AGO2: variants seen among roughly 807,000 people sequenced by gnomAD.
AGO2 encodes the protein argonaute RISC catalytic component 2.
Under a neutral mutation model 102.3 loss-of-function variants are expected in AGO2, and 5 were observed. The ratio of observed to expected loss-of-function variants is 0.05; its 90% CI spans 0.03 to 0.10. AGO2 has a LOEUF of 0.10. Among genes scored for constraint, AGO2 ranks in the 10% least tolerant of loss-of-function variants. The probability of loss-of-function intolerance (pLI) is 1.00; values close to 1 mark genes in which losing one functional copy is unlikely to be tolerated. For missense variants in AGO2, 541 were observed against 1,183.7 expected (o/e 0.46, Z 7.97); for synonymous variants, 449 against 473.1 (o/e 0.95, Z 0.66).
intron 3 of AGO2, among the ~76,000 whole-genome samples, chr8:140,570,432 G>A (rs532982726): frequency 1.3e-5 from 2 of 152,100 alleles, no homozygotes; most frequent in African/African-American, 4.8e-5. Context: ...ATTTAGTCAT[G>A]TTGGCCAGGC....
upstream of AGO2, chr8:140,637,396 G>T: frequency 6.6e-6 from 1 of 152,358 alleles, no homozygotes. Flanking sequence ...AGGCCCAGAA[G>T]GCTCTGTCAT....
At chr8:140,541,489 A>ATG in intron 14 of AGO2, 131 bp from the exon 15 acceptor site, 3 of 858,870 alleles carry the variant, frequency 3.5e-6, no homozygotes, top group Non-Finnish European at 5.2e-6. Flanking sequence ...GTCAAGTGAC[A>ATG]ATGGCTGGCT....
chr8:140,627,784 C>G (rs747659376), intron 1 of AGO2, among the ~76,000 whole-genome samples: 1 of 152,182 alleles, frequency 6.6e-6, no homozygotes, highest in Non-Finnish European at 1.5e-5. Flanking sequence ...GAACCACAGG[C>G]GGCACCCCAC....
intron 17 of AGO2, among the ~76,000 whole-genome samples, chr8:140,533,975 G>A (rs958329266): frequency 2.0e-5 from 3 of 152,140 alleles, no homozygotes; most frequent in Non-Finnish European, 2.9e-5. Flanking sequence ...CTGCCTGCCC[G>A]CCTCACTGCC....
At chr8:140,635,377 G>A (rs1251745411) in intron 1 of AGO2, 108 bp downstream of exon 1, 2 of 441,262 alleles carry the variant, frequency 4.5e-6, no homozygotes, top group African/African-American at 4.4e-5. Context: ...CCGCCGCCCC[G>A]ACCCCGCGGC....
At chr8:140,546,905 T>A (rs541097896) in intron 13 of AGO2, among the ~76,000 whole-genome samples, 1 of 152,170 alleles carries the variant, frequency 6.6e-6, no homozygotes, top group African/African-American at 2.4e-5. Context: ...AGTCAGGAGG[T>A]GCCAGAGGAG....
At chr8:140,585,359 T>C (rs1028689230) in intron 1 of AGO2, 48 bp from the exon 2 acceptor site, 13 of 1,585,444 alleles carry the variant, frequency 8.2e-6, no homozygotes, top group Non-Finnish European at 1.1e-5. Context: ...AGGCTTGCTC[T>C]GCGGCCCTTC....
upstream of AGO2, chr8:140,636,203 G>A: frequency 6.6e-6 from 1 of 152,268 alleles, no homozygotes; most frequent in Non-Finnish European, 1.5e-5. Flanking sequence ...CCGGCCGCTC[G>A]CGCAGGACCA....
chr8:140,601,699 C>T (rs146838401), intron 1 of AGO2, among the ~76,000 whole-genome samples: 1 of 152,388 alleles, frequency 6.6e-6, no homozygotes, highest in Non-Finnish European at 1.5e-5. Flanking sequence ...TGAACACATC[C>T]TCCTATCTAC....
intron 13 of AGO2, 25 bp from the exon 14 acceptor site, chr8:140,544,328 G>A (rs745879741): frequency 3.2e-6 from 5 of 1,585,710 alleles, no homozygotes; most frequent in Non-Finnish European, 4.3e-6. Flanking sequence ...GGCGTCAGGG[G>A]CCACGGTGAG....
intron 1 of AGO2, among the ~76,000 whole-genome samples, chr8:140,601,794 AT>A (rs1313236727): frequency 6.6e-6 from 1 of 152,262 alleles, no homozygotes; most frequent in East Asian, 1.9e-4. Context: ...ATTTTAGAAT[AT>A]TTTTTATTGC....
At chr8:140,578,386 C>A (rs1336422462) in intron 2 of AGO2, among the ~76,000 whole-genome samples, 1 of 152,212 alleles carries the variant, frequency 6.6e-6, no homozygotes. Context: ...ACCATCACCA[C>A]CCTCTGTCCA....
chr8:140,533,389 CAAAAAA>C (rs371478800), intron 17 of AGO2, among the ~76,000 whole-genome samples: 2 of 96,236 alleles, frequency 2.1e-5, no homozygotes. Context: ...ACTCCGTCTC[CAAAAAA>C]AAAAAAAAAA....
intron 1 of AGO2, among the ~76,000 whole-genome samples, chr8:140,623,417 T>C (rs2074238339): frequency 6.6e-6 from 1 of 152,106 alleles, no homozygotes; most frequent in Non-Finnish European, 1.5e-5. Flanking sequence ...CATCTTACAA[T>C]GGTTCATCCG....
In AGO2 at chr8:140,539,419, G is replaced by A; in HGVS notation, c.2070C>T (p.Ala690=). 1 of 1,614,052 alleles carries A rather than the reference G, an allele frequency of 6.2e-7. No individual in the cohort carries two copies. The highest frequency in any genetic ancestry group is 8.5e-7 in the Non-Finnish European group (1 of 1,179,964). The change falls in exon 16 of 19, where the codon GCC becomes GCT. Residue 690 remains alanine, a synonymous_variant. Transcript: ENST00000220592. This position sits in a 1 kb window ranked among gnomAD's most constrained non-coding sequence, Gnocchi z 4.7. ...LHHELLAIRE[A]CIKLEKDYQP... is the part of the protein sequence containing the mutation. The stretch of plus-strand genomic sequence containing the variant: ...GGTAGTCTTTTTCTAGCTTGATACA[G>A]GCCTCACGGATGGCCAGCAACTCGT...
rs541459896 is a variant in AGO2 at position 140,558,375 on chromosome 8, T to C, written c.878+110A>G. On this transcript the variant is annotated intron_variant, in intron 7 of 18. Transcript: ENST00000220592. ...ACAATTTTGGGATTGAAAAACAGCATGAAATGGTCCTTTCTGGAGAATGGG... is the reference window on the plus strand; with the variant it reads ...ACAATTTTGGGATTGAAAAACAGCACGAAATGGTCCTTTCTGGAGAATGGG... 26 of 1,209,066 alleles carry C rather than the reference T, an allele frequency of 2.2e-5. No homozygotes were observed. The African/African-American group carries it at 3.3e-4, about 15-fold the overall frequency. The allele number at this position is 1,209,066 out of a possible 1,614,324, so 74.9% of individuals were successfully genotyped here.
rs573992712 is a variant in AGO2 at position 140,615,481 on chromosome 8, G to A, written c.22+20004C>T. 3.9e-5 allele frequency among the ~76,000 whole-genome samples: 6 copies of A among 152,336 alleles called. No individual in the cohort carries two copies. In the East Asian group the frequency reaches 5.8e-4, roughly 15 times the overall value. Reference sequence around the variant, plus strand: ...AGTGTTCTCGCCCGGCACACAGCCCGCTCAGAGCCCTCTGAAGGGTGGCAG... The same window carrying A: ...AGTGTTCTCGCCCGGCACACAGCCCACTCAGAGCCCTCTGAAGGGTGGCAG... On this transcript the variant is annotated intron_variant, in intron 1 of 18. Coordinates refer to ENST00000220592, the MANE Select transcript of AGO2 (RefSeq NM_012154.5).
At chr8:140,612,186 G>GCA (rs1273616552) in intron 1 of AGO2, among the ~76,000 whole-genome samples, 7 of 133,532 alleles carry the variant, frequency 5.2e-5, no homozygotes, top group Non-Finnish European at 1.1e-4. Flanking sequence ...TTGTGCCACT[G>GCA]CACTCCGGCC....
chr8:140,575,778 T>C (rs909395289), intron 2 of AGO2, among the ~76,000 whole-genome samples: 3 of 152,192 alleles, frequency 2.0e-5, no homozygotes, highest in African/African-American at 7.2e-5. Flanking sequence ...GTTCAGTCGA[T>C]ACCAGAAACA....
Sources: gnomAD v4.1 joint callset for allele counts (sites outside exome capture counted in the v4.1 genomes callset) on GRCh38, gnomAD v4.1.1 for gene constraint, Gnocchi (gnomAD v3.1) non-coding constraint, MANE v1.5 for transcripts, NCBI Gene and HGNC (gene_info 2026-07-23, HGNC 2026-07-21) for gene names.